NTNG1: variants seen among roughly 807,000 people sequenced by gnomAD.
The protein encoded by NTNG1 is netrin G1.
A neutral mutation model predicts 54.0 loss-of-function variants in NTNG1; 16 were observed. The observed-to-expected ratio is 0.30, with a 90% confidence interval of 0.20 to 0.45. The LOEUF (loss-of-function observed/expected upper bound fraction) is 0.45, where lower values mean the gene tolerates loss of function less well. Among genes scored for constraint, NTNG1 ranks in the 20% least tolerant of loss-of-function variants. The pLI, the probability that NTNG1 is intolerant of heterozygous loss-of-function variation, is 1.00. For synonymous variants in NTNG1, 255 were observed against 263.1 expected (o/e 0.97, Z 0.30); for missense variants, 530 against 678.7 (o/e 0.78, Z 2.43).
At chr1:107,209,556 A>G (rs943610971) in intron 2 of NTNG1, among the ~76,000 whole-genome samples, 1 of 152,282 alleles carries the variant, frequency 6.6e-6, no homozygotes, top group Middle Eastern at 3.4e-3. Flanking sequence ...CTCAGTAATC[A>G]GTCCCTGACA....
At chr1:107,230,582 T>C (rs181803124) in intron 2 of NTNG1, among the ~76,000 whole-genome samples, 88 of 152,334 alleles carry the variant, frequency 5.8e-4, no homozygotes, top group African/African-American at 2.0e-3. Context: ...AAACAAATTA[T>C]CTAAACCTTG....
At chr1:107,165,018 G>A (rs1332148941) in intron 2 of NTNG1, among the ~76,000 whole-genome samples, 1 of 152,074 alleles carries the variant, frequency 6.6e-6, no homozygotes, top group Non-Finnish European at 1.5e-5. Flanking sequence ...GAGCCAGAGT[G>A]GGGTGAGTAG....
intron 3 of NTNG1, among the ~76,000 whole-genome samples, chr1:107,330,158 A>T (rs1668196935): frequency 6.6e-6 from 1 of 152,216 alleles, no homozygotes; most frequent in Non-Finnish European, 1.5e-5. Flanking sequence ...TAAAGAATTG[A>T]TGGAGTTAAG....
At chr1:107,179,286 A>G (rs1482338736) in intron 2 of NTNG1, among the ~76,000 whole-genome samples, 1 of 151,960 alleles carries the variant, frequency 6.6e-6, no homozygotes, top group Non-Finnish European at 1.5e-5. Context: ...AAAGACTTAA[A>G]CCTTTCTTGT....
intron 3 of NTNG1, among the ~76,000 whole-genome samples, chr1:107,375,148 T>C (rs950224808): frequency 3.3e-5 from 5 of 152,210 alleles, no homozygotes; most frequent in African/African-American, 9.6e-5. Context: ...AGGGGGACCA[T>C]GTACAGATCT....
rs528665714 is a variant in NTNG1 at position 107,201,502 on chromosome 1, T to G, written c.246+52663T>G. On this transcript the variant is annotated intron_variant, in intron 2 of 7. Transcript: ENST00000370068. ...TTTGGGGAGTGGGTGGTCACTTCTGTGACAAAGGAGAGAAAAGATTGCCAA... is the reference window on the plus strand; with the variant it reads ...TTTGGGGAGTGGGTGGTCACTTCTGGGACAAAGGAGAGAAAAGATTGCCAA... Among the ~76,000 whole-genome samples, 16 of 152,012 alleles carry G rather than the reference T, an allele frequency of 1.1e-4. 1 individual carries two copies. The South Asian group carries it at 3.3e-3, about 31-fold the overall frequency.
At chr1:107,277,694 A>G (rs1664569931) in intron 2 of NTNG1, among the ~76,000 whole-genome samples, 1 of 152,220 alleles carries the variant, frequency 6.6e-6, no homozygotes, top group Non-Finnish European at 1.5e-5. Context: ...TGGATCTTAC[A>G]GTTTAAATTC....
chr1:107,457,764 TG>T (rs1677041769), intron 7 of NTNG1, among the ~76,000 whole-genome samples: 3 of 152,160 alleles, frequency 2.0e-5, no homozygotes, highest in Non-Finnish European at 1.5e-5. Flanking sequence ...GTTTGTAGTG[TG>T]GGGATGTGTT....
At position 107,450,672 on chromosome 1, in the gene NTNG1, C is replaced by T. The variant is rs971141120; in HGVS notation, c.1390+13873C>T. Reference sequence around the variant, plus strand: ...TCAAATACTAATTACCATCTGTAAACGTGAATTTTAAGTTAAGATTTTGTC... The same window carrying T: ...TCAAATACTAATTACCATCTGTAAATGTGAATTTTAAGTTAAGATTTTGTC... On this transcript the variant is annotated intron_variant, in intron 7 of 7. Transcript: ENST00000370068. Among the ~76,000 whole-genome samples, 29 of 151,988 alleles carry T rather than the reference C, an allele frequency of 1.9e-4. 1 individual carries two copies. The highest frequency in any genetic ancestry group is 1.7e-3 in the Admixed American group (26 of 15,246).
intron 2 of NTNG1, among the ~76,000 whole-genome samples, chr1:107,191,114 C>T (rs1235979457): frequency 2.6e-5 from 4 of 152,170 alleles, no homozygotes; most frequent in African/African-American, 9.7e-5. Flanking sequence ...TTAATGATCG[C>T]CATTCTAACC....
chr1:107,279,088 A>ATT (rs1664667684), intron 2 of NTNG1, among the ~76,000 whole-genome samples: 1 of 152,286 alleles, frequency 6.6e-6, no homozygotes, highest in East Asian at 1.9e-4. Flanking sequence ...GAGTAATAGG[A>ATT]TTACATTTCC....
chr1:107,162,895 T>G (rs1655514376), intron 2 of NTNG1, among the ~76,000 whole-genome samples: 1 of 152,194 alleles, frequency 6.6e-6, no homozygotes, highest in Non-Finnish European at 1.5e-5. Flanking sequence ...GCATCATCCA[T>G]CACTGGAATA....
intron 7 of NTNG1, among the ~76,000 whole-genome samples, chr1:107,440,682 T>G (rs1428918014): frequency 6.6e-6 from 1 of 152,128 alleles, no homozygotes; most frequent in Non-Finnish European, 1.5e-5. Flanking sequence ...ATCAAACTGT[T>G]GACCTGGGGG....
chr1:107,227,593 G>A (rs1660773570), intron 2 of NTNG1, among the ~76,000 whole-genome samples: 1 of 151,996 alleles, frequency 6.6e-6, no homozygotes, highest in Non-Finnish European at 1.5e-5. Flanking sequence ...TATGTCTGAT[G>A]TTTGAATCCT....
Position 107,480,599 on chromosome 1 carries a change from C to T in NTNG1, c.1391-12C>T. On this transcript the variant is annotated splice_polypyrimidine_tract_variant and intron_variant, in intron 7 of 7. Transcript: ENST00000370068. Reference sequence around the variant, plus strand: ...GCGCCCACCCACCCCTACCTTCCCCCTCATTCTGCAGCGAATGTCTGCGAC... The same window carrying T: ...GCGCCCACCCACCCCTACCTTCCCCTTCATTCTGCAGCGAATGTCTGCGAC... The T allele has an allele frequency of 6.9e-7, 1 of 1,452,572 alleles. No individual in the cohort carries two copies. The highest frequency in any genetic ancestry group is 9.4e-7 in the Non-Finnish European group (1 of 1,058,668). 90.0% of individuals were successfully genotyped at this position (1,452,572 alleles called of 1,614,324 possible).
intron 2 of NTNG1, among the ~76,000 whole-genome samples, chr1:107,280,827 A>G (rs1358214191): frequency 6.6e-6 from 1 of 151,710 alleles, no homozygotes; most frequent in East Asian, 1.9e-4. Context: ...CAGTTTATTT[A>G]ATTTATTTCA....
intron 2 of NTNG1, among the ~76,000 whole-genome samples, chr1:107,270,251 G>C (rs905805314): frequency 3.9e-5 from 6 of 152,130 alleles, no homozygotes; most frequent in Non-Finnish European, 8.8e-5. Context: ...TTCTGTTATA[G>C]TGAAAACTGT....
chr1:107,400,121 A>G (rs372150932), intron 4 of NTNG1, among the ~76,000 whole-genome samples: 2 of 152,282 alleles, frequency 1.3e-5, no homozygotes, highest in East Asian at 3.9e-4. Flanking sequence ...CTGTCAGTAA[A>G]GATCTCAAAG....
At chr1:107,219,122 TTTTTGTC>T (rs978025827) in intron 2 of NTNG1, among the ~76,000 whole-genome samples, 1 of 150,978 alleles carries the variant, frequency 6.6e-6, no homozygotes, top group Admixed American at 6.6e-5. Flanking sequence ...AAATTTTTTT[TTTTTGTC>T]TTTAATAGAT....
Sources: allele counts gnomAD v4.1 joint callset (sites outside exome capture counted in the v4.1 genomes callset), GRCh38; gene constraint gnomAD v4.1.1; transcripts MANE v1.5; gene names NCBI Gene and HGNC (gene_info 2026-07-23, HGNC 2026-07-21).